SRGAP3: variants seen among roughly 807,000 people sequenced by gnomAD.
The protein encoded by SRGAP3 is SLIT-ROBO Rho GTPase activating protein 3.
A neutral mutation model predicts 121.1 loss-of-function variants in SRGAP3; 39 were observed. That is an observed-to-expected ratio of 0.32 (90% CI 0.25 to 0.42). The LOEUF (loss-of-function observed/expected upper bound fraction) is 0.42, where lower values mean the gene tolerates loss of function less well. SRGAP3 is among the 10% of genes least tolerant of loss of function. The pLI is 1.00. For missense variants in SRGAP3, 1,213 were observed against 1,470.6 expected (o/e 0.82, Z 2.86); for synonymous variants, 601 against 570.0 (o/e 1.05, Z -0.77).
intron 3 of SRGAP3, among the ~76,000 whole-genome samples, chr3:9,288,130 G>GTTTTTTTTTTTTTTTTTTTT (rs57076828): frequency 1.7e-5 from 2 of 119,098 alleles, no homozygotes; most frequent in African/African-American, 3.2e-5. Flanking sequence ...TTCTATCTTT[G>GTTTTTTTTTTTTTTTTTTTT]TTTTTTTTTT....
Position 9,174,828 on chromosome 3 carries a change from C to G in SRGAP3, c.68-49911G>C, listed in dbSNP as rs1230629674. On this transcript the variant is annotated intron_variant, in intron 1 of 21. Coordinates refer to ENST00000383836, the MANE Select transcript of SRGAP3 (RefSeq NM_014850.4). ...CCCGAGGAGGAATCAGTACTCGCAG[C>G]TGACAGAGGAGGAAACTGAGGGCAG... is the stretch of plus-strand genomic sequence containing the variant. Among the ~76,000 whole-genome samples, 5 of 152,184 alleles carry G rather than the reference C, an allele frequency of 3.3e-5. No homozygotes were observed. The East Asian group carries it at 9.6e-4, about 29-fold the overall frequency.
At chr3:9,027,130 C>T in intron 12 of SRGAP3, 135 bp from the exon 13 acceptor site, 1 of 835,910 alleles carries the variant, frequency 1.2e-6, no homozygotes. Flanking sequence ...CAAGGAACTG[C>T]TAATCCTAAA....
chr3:9,304,224 G>T (rs535698326), intron 3 of SRGAP3, among the ~76,000 whole-genome samples: 135 of 152,176 alleles, frequency 8.9e-4, no homozygotes, highest in Non-Finnish European at 1.4e-3. Flanking sequence ...ACCCAGCAGA[G>T]AGCCTGGCAC....
chr3:9,095,001 A>G (rs546249750), intron 3 of SRGAP3, among the ~76,000 whole-genome samples: 1 of 151,984 alleles, frequency 6.6e-6, no homozygotes, highest in East Asian at 1.9e-4. Context: ...GCCTCAAGCA[A>G]TCCTCCCACC....
chr3:9,205,459 T>C (rs569037407), intron 1 of SRGAP3, among the ~76,000 whole-genome samples: 2 of 152,340 alleles, frequency 1.3e-5, no homozygotes, highest in Non-Finnish European at 2.9e-5. Flanking sequence ...GGTACAACTA[T>C]CACGTTTACA....
rs746006498 is a variant in SRGAP3 at position 9,058,345 on chromosome 3, T to G, written c.929A>C (p.Asp310Ala). The change falls in exon 7 of 22, where the codon GAT becomes GCT. Residue 310 changes from aspartate (D) to alanine (A), a missense_variant. Physicochemically the swap from Asp to Ala is moderately radical, Grantham distance 126 (BLOSUM62 -2). Coordinates refer to ENST00000383836, the MANE Select transcript of SRGAP3 (RefSeq NM_014850.4). ...DVIENAVDNL[D>A]SRSDKHTVMD... is the part of the protein sequence containing the mutation. ...GACTGTGTGCTTGTCACTTCGGGAA[T>G]CCAGGTTGTCCACTGCATTCTCAAT... The G allele has an allele frequency of 6.2e-7, 1 of 1,614,256 alleles. No individual in the cohort carries two copies. The highest frequency in any genetic ancestry group is 1.7e-5 in the Admixed American group (1 of 60,030).
chr3:9,288,531 A>G (rs1954819304), intron 3 of SRGAP3, among the ~76,000 whole-genome samples: 1 of 151,646 alleles, frequency 6.6e-6, no homozygotes, highest in African/African-American at 2.4e-5. Context: ...TAACTGTGGA[A>G]TCTATAATTT....
At chr3:9,279,117 A>G (rs549961967) in intron 3 of SRGAP3, among the ~76,000 whole-genome samples, 37 of 152,196 alleles carry the variant, frequency 2.4e-4, no homozygotes, top group South Asian at 1.5e-3. Context: ...GGAAAAAAAA[A>G]GGGGGGGATA....
rs61032006 is a variant in SRGAP3, at chr3:9,198,716, T to C, written c.67+50169A>G. On this transcript the variant is annotated intron_variant, in intron 1 of 21. Transcript: ENST00000383836. ...AGCACAGGATGAATACGTCAATAGG[T>C]GCAAGGAAGAGGTTGCAGGGCCCAG... 7.4e-3 allele frequency among the ~76,000 whole-genome samples: 1,126 copies of C among 152,220 alleles called. 19 individuals carry two copies. Among genetic ancestry groups the C allele is most frequent in the African/African-American group, 0.026 (1,073 of 41,532 alleles).
intron 1 of SRGAP3, among the ~76,000 whole-genome samples, chr3:9,160,803 A>G (rs1231868345): frequency 6.6e-6 from 1 of 152,226 alleles, no homozygotes; most frequent in Non-Finnish European, 1.5e-5. Context: ...TTATTTTATA[A>G]TAATAATACT....
At chr3:9,032,612 G>T in intron 12 of SRGAP3, 38 bp downstream of exon 12, 4 of 1,576,446 alleles carry the variant, frequency 2.5e-6, no homozygotes, top group South Asian at 2.2e-5. Flanking sequence ...CCATTACATT[G>T]GGTGCATTCG....
chr3:9,144,937 A>G (rs926255297), intron 1 of SRGAP3, among the ~76,000 whole-genome samples: 2 of 152,226 alleles, frequency 1.3e-5, no homozygotes, highest in African/African-American at 2.4e-5. Flanking sequence ...TGAGTATTCA[A>G]TGAAGGTTAC....
intron 1 of SRGAP3, among the ~76,000 whole-genome samples, chr3:9,231,098 T>TG (rs1204162688): frequency 6.6e-6 from 1 of 152,174 alleles, no homozygotes; most frequent in African/African-American, 2.4e-5. Context: ...GTCGAGCCAC[T>TG]GGAAGTTTTC....
At chr3:9,215,412 T>C (rs2675170) in intron 1 of SRGAP3, among the ~76,000 whole-genome samples, 115,539 of 152,104 alleles carry the variant, frequency 0.76, 44,117 homozygotes, top group South Asian at 0.81. Flanking sequence ...GGAAGCTTGG[T>C]ATTTGAACAC....
intron 17 of SRGAP3, among the ~76,000 whole-genome samples, chr3:9,012,521 C>T (rs1382883709): frequency 5.3e-5 from 8 of 152,182 alleles, no homozygotes; most frequent in Non-Finnish European, 1.0e-4. Flanking sequence ...TCTCCTAAGA[C>T]CTAGTGTAGT....
intron 3 of SRGAP3, among the ~76,000 whole-genome samples, chr3:9,263,310 A>C (rs2125257058): frequency 6.6e-6 from 1 of 152,308 alleles, no homozygotes; most frequent in South Asian, 2.1e-4. Flanking sequence ...TAAAAGAACT[A>C]GAGAAGCAAG....
chr3:9,229,696 A>G (rs1953129313), intron 1 of SRGAP3, among the ~76,000 whole-genome samples: 1 of 152,176 alleles, frequency 6.6e-6, no homozygotes, highest in African/African-American at 2.4e-5. Context: ...TCCCTACCCC[A>G]TTCATATTTC....
intron 3 of SRGAP3, among the ~76,000 whole-genome samples, chr3:9,291,636 G>GCA (rs900277278): frequency 7.5e-6 from 1 of 133,350 alleles, no homozygotes; most frequent in Non-Finnish European, 1.6e-5. Context: ...ACACACACAC[G>GCA]CACACACATT....
chr3:9,080,431 T>G (rs992722441), intron 3 of SRGAP3, among the ~76,000 whole-genome samples: 3 of 152,232 alleles, frequency 2.0e-5, no homozygotes, highest in Admixed American at 1.3e-4. Context: ...TAAGCTGGTA[T>G]GACCAGGGTC....
Sources: gnomAD v4.1 joint callset for allele counts (sites outside exome capture counted in the v4.1 genomes callset) on GRCh38, gnomAD v4.1.1 for gene constraint, MANE v1.5 for transcripts, NCBI Gene and HGNC (gene_info 2026-07-23, HGNC 2026-07-21) for gene names.